ZNF385D: variants seen among roughly 807,000 people sequenced by gnomAD.
ZNF385D encodes zinc finger protein 385D.
In ZNF385D, 15 loss-of-function variants were observed where a neutral mutation model predicts 35.8. That is an observed-to-expected ratio of 0.42 (90% confidence interval 0.28 to 0.64). ZNF385D has a LOEUF of 0.64. Among genes scored for constraint, ZNF385D ranks in the 30% least tolerant of loss-of-function variants. The pLI is 0.23. For synonymous variants in ZNF385D, 212 were observed against 186.8 expected (o/e 1.13, Z -1.10); for missense variants, 474 against 494.6 (o/e 0.96, Z 0.39).
At position 21,959,631 on chromosome 3, in the gene ZNF385D, T is replaced by C. The variant is rs537138122; in HGVS notation, c.325+209186A>G. 7.2e-5 allele frequency among the ~76,000 whole-genome samples: 11 copies of C among 152,274 alleles called. 1 individual carries two copies. In the South Asian group the frequency reaches 1.7e-3, roughly 23 times the overall value. The stretch of plus-strand genomic sequence containing the variant: ...CACAATGCAAGGAGCCTAGTCACCA[T>C]GGTCTCCTGTCACCATGGAAGATGG... On this transcript the variant is annotated intron_variant, in intron 3 of 5. Transcript: ENST00000494108.
At chr3:21,519,934 A>G (rs958673167) in intron 3 of ZNF385D, among the ~76,000 whole-genome samples, 1 of 152,218 alleles carries the variant, frequency 6.6e-6, no homozygotes, top group African/African-American at 2.4e-5. Flanking sequence ...TTGTATCAAC[A>G]GCAGAGAAAA....
chr3:22,125,042 T>C (rs1040146370), intron 3 of ZNF385D, among the ~76,000 whole-genome samples: 2 of 152,168 alleles, frequency 1.3e-5, no homozygotes, highest in African/African-American at 4.8e-5. Flanking sequence ...AGCAGTTTCA[T>C]AGTTTGAGAT....
intron 3 of ZNF385D, among the ~76,000 whole-genome samples, chr3:22,092,013 G>A (rs1013143795): frequency 9.9e-5 from 15 of 152,228 alleles, no homozygotes; most frequent in African/African-American, 3.6e-4. Flanking sequence ...TTCACTTTCA[G>A]GAAGAACATT....
chr3:21,982,843 A>T (rs1451344802), intron 3 of ZNF385D, among the ~76,000 whole-genome samples: 1 of 149,246 alleles, frequency 6.7e-6, no homozygotes, highest in Admixed American at 6.6e-5. Context: ...TATTGAGATA[A>T]TCATGTGGGT....
intron 3 of ZNF385D, among the ~76,000 whole-genome samples, chr3:21,909,804 T>C (rs1699874333): frequency 6.6e-6 from 1 of 151,950 alleles, no homozygotes; most frequent in South Asian, 2.1e-4. Context: ...GAATGGAAAA[T>C]GAGACTATGC....
intron 3 of ZNF385D, among the ~76,000 whole-genome samples, chr3:22,022,402 T>G (rs1697283176): frequency 6.6e-6 from 1 of 152,128 alleles, no homozygotes; most frequent in Non-Finnish European, 1.5e-5. Context: ...CTCTAATCTT[T>G]CAACTTGGAG....
intron 2 of ZNF385D, among the ~76,000 whole-genome samples, chr3:22,360,259 G>T (rs549131633): frequency 6.6e-6 from 1 of 151,888 alleles, no homozygotes; most frequent in Non-Finnish European, 1.5e-5. Context: ...TGGTACTTAC[G>T]TTCTTTTAGG....
rs550625226 is a variant in ZNF385D, at chr3:21,767,389, A to G, written c.326-102361T>C. On this transcript the variant is annotated intron_variant, in intron 3 of 5. Coordinates refer to the ZNF385D transcript ENST00000494108. ...AAATTTTACTCATTCTTTTTTTTCC[A>G]AGATTGAACACTATTTCTTCTATAG... Among the ~76,000 whole-genome samples the G allele has an allele frequency of 2.6e-5, 4 of 151,998 alleles. No homozygotes were observed. In the South Asian group the frequency reaches 8.3e-4, roughly 32 times the overall value.
intron 1 of ZNF385D, among the ~76,000 whole-genome samples, chr3:21,714,019 C>T (rs955441303): frequency 3.9e-5 from 6 of 152,258 alleles, no homozygotes; most frequent in Non-Finnish European, 5.9e-5. Flanking sequence ...ATAACACCCA[C>T]GCACACATCC....
intron 2 of ZNF385D, among the ~76,000 whole-genome samples, chr3:22,365,660 A>T (rs985902552): frequency 3.3e-5 from 5 of 152,142 alleles, no homozygotes; most frequent in African/African-American, 1.2e-4. Flanking sequence ...GTACAAGAAA[A>T]CAAGAATGGT....
At chr3:22,018,449 A>G (rs762162734) in intron 3 of ZNF385D, among the ~76,000 whole-genome samples, 2 of 151,884 alleles carry the variant, frequency 1.3e-5, no homozygotes, top group Non-Finnish European at 2.9e-5. Context: ...AGATATTAAT[A>G]TTGTCTTCAA....
chr3:21,779,371 T>C (rs1326005628), intron 3 of ZNF385D, among the ~76,000 whole-genome samples: 1 of 71,750 alleles, frequency 1.4e-5, no homozygotes, highest in Non-Finnish European at 3.5e-5. Flanking sequence ...AAAGATAATA[T>C]ATATATATAT....
At chr3:22,124,100 C>T (rs1024699331) in intron 3 of ZNF385D, among the ~76,000 whole-genome samples, 6 of 151,732 alleles carry the variant, frequency 4.0e-5, no homozygotes, top group Non-Finnish European at 7.4e-5. Context: ...CTACAATTCT[C>T]AGCTTCTGGT....
At chr3:22,016,744 T>C (rs1255943789) in intron 3 of ZNF385D, among the ~76,000 whole-genome samples, 2 of 151,590 alleles carry the variant, frequency 1.3e-5, no homozygotes, top group Non-Finnish European at 2.9e-5. Context: ...AATAGTCCTC[T>C]GCTGTGTTAA....
intron 3 of ZNF385D, among the ~76,000 whole-genome samples, chr3:21,981,908 T>C (rs920083440): frequency 6.6e-6 from 1 of 152,120 alleles, no homozygotes; most frequent in African/African-American, 2.4e-5. Flanking sequence ...TTCTATCCTT[T>C]TCCATTGGTT....
At chr3:22,065,892 A>G (rs1699923198) in intron 3 of ZNF385D, among the ~76,000 whole-genome samples, 1 of 152,108 alleles carries the variant, frequency 6.6e-6, no homozygotes, top group Non-Finnish European at 1.5e-5. Context: ...ATAAAGATAA[A>G]GACATCACGG....
intron 3 of ZNF385D, among the ~76,000 whole-genome samples, chr3:21,814,047 T>C (rs2073047090): frequency 6.6e-6 from 1 of 152,126 alleles, no homozygotes. Flanking sequence ...GGGCCAATAT[T>C]CAACATTCTT....
chr3:22,140,139 T>C (rs1308840449), intron 3 of ZNF385D, among the ~76,000 whole-genome samples: 4 of 152,222 alleles, frequency 2.6e-5, no homozygotes, highest in African/African-American at 9.6e-5. Flanking sequence ...CACAGAACTC[T>C]GTACATAAAT....
chr3:21,918,329 A>G (rs902626715), intron 3 of ZNF385D, among the ~76,000 whole-genome samples: 2 of 152,232 alleles, frequency 1.3e-5, no homozygotes, highest in African/African-American at 4.8e-5. Context: ...GAAATGAACA[A>G]TCCAAGATTT....
Sources: gnomAD v4.1 joint callset for allele counts (sites outside exome capture counted in the v4.1 genomes callset) on GRCh38, gnomAD v4.1.1 for gene constraint, MANE v1.5 for transcripts, NCBI Gene and HGNC (gene_info 2026-07-23, HGNC 2026-07-21) for gene names.